PDE10A: variants seen among roughly 807,000 people sequenced by gnomAD.
The protein encoded by PDE10A is phosphodiesterase 10A.
Under a neutral mutation model 97.7 loss-of-function variants are expected in PDE10A, and 39 were observed. The observed-to-expected ratio is 0.40, with a 90% CI of 0.31 to 0.52. PDE10A has a LOEUF of 0.52. Ranked by LOEUF, PDE10A falls within the 20% of genes least tolerant of loss-of-function variation. The probability of loss-of-function intolerance (pLI) is 0.56; values close to 1 mark genes in which losing one functional copy is unlikely to be tolerated. For synonymous variants in PDE10A, 371 were observed against 376.8 expected (o/e 0.98, Z 0.18); for missense variants, 731 against 1,047.8 (o/e 0.70, Z 4.17).
At chr6:165,824,025 T>C (rs904136543) in intron 1 of PDE10A, among the ~76,000 whole-genome samples, 2 of 152,240 alleles carry the variant, frequency 1.3e-5, no homozygotes, top group Non-Finnish European at 2.9e-5. Context: ...AATTCAGACA[T>C]GCATGGGTGA....
chr6:165,527,716 C>A (rs1391977966), intron 2 of PDE10A, among the ~76,000 whole-genome samples: 1 of 152,164 alleles, frequency 6.6e-6, no homozygotes, highest in Non-Finnish European at 1.5e-5. Flanking sequence ...TATACATGAT[C>A]AGGCTCCAGC....
At chr6:165,447,336 G>A (rs943670169) in intron 5 of PDE10A, among the ~76,000 whole-genome samples, 2 of 152,180 alleles carry the variant, frequency 1.3e-5, no homozygotes, top group Non-Finnish European at 2.9e-5. Flanking sequence ...TCAGGTGAAC[G>A]GCTAGAATTG....
intron 1 of PDE10A, among the ~76,000 whole-genome samples, chr6:165,892,228 G>A (rs763381651): frequency 6.6e-6 from 1 of 152,224 alleles, no homozygotes; most frequent in South Asian, 2.1e-4. Context: ...GTGCAAAGCA[G>A]GAGCCTTCCT....
intron 1 of PDE10A, among the ~76,000 whole-genome samples, chr6:165,569,526 T>C (rs968499075): frequency 1.3e-5 from 2 of 152,226 alleles, no homozygotes; most frequent in Admixed American, 6.5e-5. Context: ...CTTCCCAAAA[T>C]TCTTATGTTC....
intron 1 of PDE10A, among the ~76,000 whole-genome samples, chr6:165,641,509 A>G (rs1003273647): frequency 3.3e-5 from 5 of 151,496 alleles, no homozygotes; most frequent in Admixed American, 6.6e-5. Flanking sequence ...ACACTTCAGT[A>G]ATCTGGCAAA....
At chr6:165,436,960 T>C (rs1790063725) in intron 5 of PDE10A, among the ~76,000 whole-genome samples, 2 of 152,290 alleles carry the variant, frequency 1.3e-5, no homozygotes, top group South Asian at 4.1e-4. Context: ...AAATGTGGTA[T>C]ATTTAGAATG....
intron 1 of PDE10A, among the ~76,000 whole-genome samples, chr6:165,878,684 C>T (rs758521004): frequency 1.3e-5 from 2 of 152,186 alleles, no homozygotes; most frequent in Non-Finnish European, 2.9e-5. Flanking sequence ...AGAACAGGAA[C>T]ATTGCAGGTA....
At chr6:165,373,847 A>T (rs1450569034) in intron 18 of PDE10A, among the ~76,000 whole-genome samples, 2 of 151,826 alleles carry the variant, frequency 1.3e-5, no homozygotes, top group African/African-American at 4.8e-5. Flanking sequence ...TCCAACAATG[A>T]TAGACTGGAT....
At chr6:165,468,907 T>C (rs545586900) in intron 3 of PDE10A, among the ~76,000 whole-genome samples, 1 of 152,354 alleles carries the variant, frequency 6.6e-6, no homozygotes, top group African/African-American at 2.4e-5. Context: ...CACCCATCTT[T>C]ATGGGCCTAA....
At chr6:165,829,114 C>T (rs1874192) in intron 1 of PDE10A, among the ~76,000 whole-genome samples, 112,598 of 152,070 alleles carry the variant, frequency 0.74, 42,123 homozygotes, top group East Asian at 0.96. Flanking sequence ...ATGGCCCCAG[C>T]TTCATTCCCA....
intron 1 of PDE10A, among the ~76,000 whole-genome samples, chr6:165,762,681 A>G (rs1358535085): frequency 1.4e-5 from 2 of 148,120 alleles, no homozygotes; most frequent in Non-Finnish European, 3.0e-5. Flanking sequence ...AGCTCTATAA[A>G]AATTTTGTCT....
chr6:165,782,013 T>C (rs1562734006), intron 1 of PDE10A: 1 of 152,164 alleles, frequency 6.6e-6, no homozygotes, highest in East Asian at 1.9e-4. Context: ...ACCCAGATAG[T>C]AAGGTAAAAA....
chr6:165,374,753 T>C (rs1354136506), intron 18 of PDE10A, among the ~76,000 whole-genome samples: 2 of 121,042 alleles, frequency 1.7e-5, no homozygotes, highest in African/African-American at 7.6e-5. Flanking sequence ...ACCATGTTTT[T>C]GGTTTTTTTT....
chr6:165,654,413 G>A, intron 1 of PDE10A, among the ~76,000 whole-genome samples: 1 of 151,534 alleles, frequency 6.6e-6, no homozygotes, highest in Non-Finnish European at 1.5e-5. Flanking sequence ...CCACAGTGCT[G>A]TCCAATTGAG....
intron 1 of PDE10A, among the ~76,000 whole-genome samples, chr6:165,791,074 A>T (rs1778637234): frequency 6.6e-6 from 1 of 152,012 alleles, no homozygotes; most frequent in Non-Finnish European, 1.5e-5. Context: ...CTTCCTAAGT[A>T]GCTGAAACTA....
chr6:165,380,816 G>C (rs1309120799), intron 17 of PDE10A, among the ~76,000 whole-genome samples: 1 of 152,210 alleles, frequency 6.6e-6, no homozygotes, highest in Non-Finnish European at 1.5e-5. Context: ...GTTCTAAGAA[G>C]GAAATATTGA....
chr6:165,842,311 A>T (rs1016269185), intron 1 of PDE10A, among the ~76,000 whole-genome samples: 27 of 151,866 alleles, frequency 1.8e-4, no homozygotes, highest in African/African-American at 6.5e-4. Context: ...CTGGTGATAT[A>T]CCTGCATGAC....
intron 18 of PDE10A, among the ~76,000 whole-genome samples, chr6:165,371,408 C>G (rs1012800605): frequency 6.6e-6 from 1 of 152,120 alleles, no homozygotes; most frequent in Non-Finnish European, 1.5e-5. Flanking sequence ...TGCCACCAAT[C>G]CCACAGAAAT....
At chr6:165,900,021 A>T (rs1232445227) in intron 1 of PDE10A, among the ~76,000 whole-genome samples, 1 of 152,210 alleles carries the variant, frequency 6.6e-6, no homozygotes, top group Non-Finnish European at 1.5e-5. Context: ...CAAGGAGGCC[A>T]TGAGGCCACG....
Sources: gnomAD v4.1 joint callset for allele counts (sites outside exome capture counted in the v4.1 genomes callset) on GRCh38, gnomAD v4.1.1 for gene constraint, MANE v1.5 for transcripts, NCBI Gene and HGNC (gene_info 2026-07-23, HGNC 2026-07-21) for gene names.